NUP160: variants seen among roughly 807,000 people sequenced by gnomAD.
NUP160 encodes the protein nucleoporin 160, also known as nuclear pore complex protein Nup160.
A neutral mutation model predicts 196.9 loss-of-function variants in NUP160; 94 were observed. The observed-to-expected ratio is 0.48, with a 90% CI of 0.40 to 0.57. The LOEUF is 0.57. Ranked by LOEUF, NUP160 falls within the 20% of genes least tolerant of loss-of-function variation. NUP160 has a pLI of 0.00. For synonymous variants in NUP160, 605 were observed against 619.7 expected, an observed-to-expected ratio of 0.98 and a Z score of 0.35; for missense variants, 1,638 against 1,748.3, an observed-to-expected ratio of 0.94 and a Z score of 1.13.
chr11:47,794,882 C>T (rs2097669979), intron 27 of NUP160, among the ~76,000 whole-genome samples: 1 of 152,016 alleles, frequency 6.6e-6, no homozygotes, highest in African/African-American at 2.4e-5. Flanking sequence ...CACTGAACTC[C>T]AGCCTAGACG....
At chr11:47,782,959 A>C in intron 34 of NUP160, 114 bp downstream of exon 34, 1 of 916,958 alleles carries the variant, frequency 1.1e-6, no homozygotes, top group South Asian at 1.6e-5. Flanking sequence ...GTGCCCGGCC[A>C]TCAGTATTTT....
At chr11:47,818,917 A>G (rs1159218720) in intron 10 of NUP160, among the ~76,000 whole-genome samples, 1 of 152,158 alleles carries the variant, frequency 6.6e-6, no homozygotes, top group African/African-American at 2.4e-5. Context: ...ACTCCTGCAA[A>G]TAGTCATTGT....
At chr11:47,813,524 T>A in intron 13 of NUP160, 109 bp from the exon 14 acceptor site, 1 of 667,404 alleles carries the variant, frequency 1.5e-6, no homozygotes, top group Non-Finnish European at 2.7e-6. Flanking sequence ...CAATACACTC[T>A]ATAAAATAAT....
At chr11:47,827,024 G>A (rs572835177) in intron 7 of NUP160, 12 of 456,048 alleles carry the variant, frequency 2.6e-5, no homozygotes, top group African/African-American at 6.0e-5. Context: ...AACCACTCAA[G>A]AAACTAGGAA....
chr11:47,811,738 C>T (rs780251968), intron 17 of NUP160, among the ~76,000 whole-genome samples: 50 of 151,994 alleles, frequency 3.3e-4, no homozygotes, highest in African/African-American at 1.2e-3. Context: ...CGTAGGTAAA[C>T]GTGTGCCATG....
chr11:47,846,833 A>C (rs1310161111), intron 2 of NUP160, among the ~76,000 whole-genome samples: 1 of 152,132 alleles, frequency 6.6e-6, no homozygotes, highest in Non-Finnish European at 1.5e-5. Context: ...TATATACATG[A>C]GGTTTGGGCT....
chr11:47,788,057 CA>C, intron 31 of NUP160, 124 bp downstream of exon 31: 1 of 870,674 alleles, frequency 1.1e-6, no homozygotes, highest in Non-Finnish European at 1.7e-6. Flanking sequence ...ATGGATTAAA[CA>C]AAACACTTCT....
chr11:47,787,912 C>T (rs967199910), intron 31 of NUP160, among the ~76,000 whole-genome samples: 40 of 151,966 alleles, frequency 2.6e-4, no homozygotes, highest in African/African-American at 8.7e-4. Flanking sequence ...TTAGTAGAGA[C>T]GGGGTTTCAC....
At chr11:47,821,064 G>C (rs997536141) in intron 9 of NUP160, among the ~76,000 whole-genome samples, 4 of 151,968 alleles carry the variant, frequency 2.6e-5, no homozygotes, top group Admixed American at 1.3e-4. Context: ...AAACACAAAG[G>C]CTATAGTATC....
intron 2 of NUP160, among the ~76,000 whole-genome samples, chr11:47,845,625 G>C (rs1458820764): frequency 6.6e-6 from 1 of 152,160 alleles, no homozygotes; most frequent in African/African-American, 2.4e-5. Flanking sequence ...CATAAGAGTA[G>C]GGACTTTGTT....
At chr11:47,817,300 A>G (rs564238418) in intron 11 of NUP160, among the ~76,000 whole-genome samples, 2 of 151,678 alleles carry the variant, frequency 1.3e-5, no homozygotes, top group South Asian at 4.2e-4. Flanking sequence ...TCCTTTTGTA[A>G]AGCACTGGGC....
chr11:47,806,402 CA>C, intron 19 of NUP160, 90 bp from the exon 20 acceptor site: 1 of 1,057,172 alleles, frequency 9.5e-7, no homozygotes, highest in South Asian at 1.5e-5. Context: ...ATGCTTGTAA[CA>C]AACAATTTAG....
chr11:47,821,693 A>C (rs745806870), intron 9 of NUP160, 31 bp downstream of exon 9: 22 of 1,506,424 alleles, frequency 1.5e-5, no homozygotes, highest in Non-Finnish European at 1.8e-5. Flanking sequence ...GCTTGGGGTG[A>C]GGTAGGATGA....
At chr11:47,831,867 A>G (rs1420880023) in intron 7 of NUP160, among the ~76,000 whole-genome samples, 27 of 133,926 alleles carry the variant, frequency 2.0e-4, no homozygotes, top group South Asian at 1.7e-3. Context: ...AAAAAAAAAA[A>G]AGAGACAGAT....
chr11:47,805,042 C>T (rs564539205), intron 20 of NUP160, among the ~76,000 whole-genome samples: 78 of 152,172 alleles, frequency 5.1e-4, no homozygotes, highest in African/African-American at 1.8e-3. Flanking sequence ...GCTGGTGTAC[C>T]GCAGAACACA....
chr11:47,842,509 A>C (rs145269189), intron 2 of NUP160, among the ~76,000 whole-genome samples: 415 of 152,208 alleles, frequency 2.7e-3, no homozygotes, highest in African/African-American at 9.3e-3. Context: ...GCCTCAAGGA[A>C]AACATACAGA....
intron 27 of NUP160, 60 bp downstream of exon 27, chr11:47,797,719 G>A: frequency 1.7e-6 from 2 of 1,207,496 alleles, no homozygotes; most frequent in Admixed American, 3.5e-5. Flanking sequence ...CAATATTTTG[G>A]TAAAACATGA....
intron 30 of NUP160, 45 bp downstream of exon 30, chr11:47,788,456 T>A (rs2097665963): frequency 1.3e-6 from 2 of 1,567,728 alleles, no homozygotes; most frequent in African/African-American, 2.7e-5. Flanking sequence ...TAAAATGTGC[T>A]CGTGGTGCTG....
chr11:47,812,280 C>A, intron 16 of NUP160, 22 bp downstream of exon 16: 1 of 1,613,628 alleles, frequency 6.2e-7, no homozygotes, highest in Non-Finnish European at 8.5e-7. Context: ...CAAAGAGGCA[C>A]ATTTGTTGTT....
Sources: gnomAD v4.1 joint callset for allele counts (sites outside exome capture counted in the v4.1 genomes callset) on GRCh38, gnomAD v4.1.1 for gene constraint, MANE v1.5 for transcripts, NCBI Gene and HGNC (gene_info 2026-07-23, HGNC 2026-07-21) for gene names.